PDE10A: variants seen among roughly 807,000 people sequenced by gnomAD.
PDE10A encodes the protein cAMP and cAMP-inhibited cGMP 3',5'-cyclic phosphodiesterase 10A.
Under a neutral mutation model 97.7 loss-of-function variants are expected in PDE10A, and 39 were observed. That is an observed-to-expected ratio of 0.40 (90% CI 0.31 to 0.52). PDE10A has a LOEUF of 0.52. Among genes scored for constraint, PDE10A ranks in the 20% least tolerant of loss-of-function variants. PDE10A has a pLI of 0.56. For synonymous variants in PDE10A, 371 were observed against 376.8 expected (o/e 0.98, Z 0.18); for missense variants, 731 against 1,047.8 (o/e 0.70, Z 4.17).
chr6:165,795,589 C>A (rs1778806310), intron 1 of PDE10A, among the ~76,000 whole-genome samples: 1 of 151,902 alleles, frequency 6.6e-6, no homozygotes. Context: ...AACAAACAAA[C>A]AAACAAACAA....
intron 3 of PDE10A, among the ~76,000 whole-genome samples, chr6:165,459,522 TAGACAGACAGACAGACAGAC>T (rs138521828): frequency 0.046 from 4,928 of 106,138 alleles, 290 homozygotes; most frequent in African/African-American, 0.15. Flanking sequence ...GATAGATAGA[TAGACAGACAGACAGACAGAC>T]AGACAGACAG....
intron 1 of PDE10A, among the ~76,000 whole-genome samples, chr6:165,709,317 C>T (rs556550167): frequency 4.2e-5 from 6 of 144,036 alleles, no homozygotes; most frequent in South Asian, 2.3e-4. Context: ...GCTCTCCCCC[C>T]ACTCCACCGC....
At chr6:165,749,799 G>C (rs1792955329) in intron 1 of PDE10A, among the ~76,000 whole-genome samples, 1 of 152,132 alleles carries the variant, frequency 6.6e-6, no homozygotes, top group Non-Finnish European at 1.5e-5. Flanking sequence ...CAAAATACCA[G>C]CTATTGATTC....
chr6:165,414,173 T>C (rs559148142), intron 12 of PDE10A, among the ~76,000 whole-genome samples: 1 of 152,284 alleles, frequency 6.6e-6, no homozygotes, highest in African/African-American at 2.4e-5. Context: ...CTCTCCTGTT[T>C]ATAAGTAAAG....
At chr6:165,826,650 G>A (rs1182034024) in intron 1 of PDE10A, among the ~76,000 whole-genome samples, 1 of 152,106 alleles carries the variant, frequency 6.6e-6, no homozygotes, top group Non-Finnish European at 1.5e-5. Context: ...GGAGGCCGAG[G>A]TACCCCCGTG....
intron 1 of PDE10A, among the ~76,000 whole-genome samples, chr6:165,632,374 C>G (rs1378476489): frequency 6.6e-6 from 1 of 152,072 alleles, no homozygotes; most frequent in African/African-American, 2.4e-5. Context: ...ACTGTGACAG[C>G]AAACATCAAA....
intron 1 of PDE10A, among the ~76,000 whole-genome samples, chr6:165,687,542 T>C (rs1159746528): frequency 2.0e-5 from 3 of 152,238 alleles, no homozygotes; most frequent in Non-Finnish European, 4.4e-5. Context: ...TGACTTTCAA[T>C]GCTGACTCTC....
chr6:165,572,083 T>A (rs1785074510), intron 1 of PDE10A, among the ~76,000 whole-genome samples: 1 of 152,242 alleles, frequency 6.6e-6, no homozygotes, highest in Non-Finnish European at 1.5e-5. Flanking sequence ...GCACTTCCGC[T>A]TTCTTGAAAG....
chr6:165,890,600 G>A (rs1781765815), intron 1 of PDE10A, among the ~76,000 whole-genome samples: 1 of 152,106 alleles, frequency 6.6e-6, no homozygotes, highest in Non-Finnish European at 1.5e-5. Flanking sequence ...GGTAGAGAAA[G>A]CCCCCATTGT....
chr6:165,426,187 G>C (rs1485912077), intron 10 of PDE10A, among the ~76,000 whole-genome samples: 1 of 152,044 alleles, frequency 6.6e-6, no homozygotes, highest in Admixed American at 6.6e-5. Context: ...TGTAGAAATT[G>C]ACCTGCTACT....
intron 1 of PDE10A, chr6:165,939,617 G>A (rs1783445449): frequency 6.6e-6 from 1 of 152,086 alleles, no homozygotes; most frequent in African/African-American, 2.4e-5. Flanking sequence ...GGTTCTTCTG[G>A]CATTTTTATT....
At chr6:165,564,456 T>G (rs1257566189) in intron 1 of PDE10A, among the ~76,000 whole-genome samples, 4 of 152,212 alleles carry the variant, frequency 2.6e-5, no homozygotes, top group Non-Finnish European at 1.5e-5. Flanking sequence ...CAGAGATTAC[T>G]AAGAAATGGT....
intron 1 of PDE10A, among the ~76,000 whole-genome samples, chr6:165,652,264 T>C (rs1041921000): frequency 6.6e-6 from 1 of 152,106 alleles, no homozygotes; most frequent in Non-Finnish European, 1.5e-5. Context: ...TTGTTGTTCA[T>C]TTTGTCTTTT....
intron 1 of PDE10A, among the ~76,000 whole-genome samples, chr6:165,943,892 A>G (rs529031301): frequency 6.6e-6 from 1 of 152,342 alleles, no homozygotes; most frequent in South Asian, 2.1e-4. Context: ...CATGAGCTAC[A>G]GCCCTTCCTG....
chr6:165,380,377 A>G lies in PDE10A; in HGVS notation c.2611-1011T>C, dbSNP rs146356604. Reference sequence around the variant, plus strand: ...TCTTTAAAAAATTAGACATCTCACTAAGACACTGTCTCTTCATATTCTTAA... The same window carrying G: ...TCTTTAAAAAATTAGACATCTCACTGAGACACTGTCTCTTCATATTCTTAA... On this transcript the variant is annotated intron_variant, in intron 17 of 21. Coordinates refer to ENST00000539869, the MANE Select transcript of PDE10A (RefSeq NM_001385079.1). Among the ~76,000 whole-genome samples, 6 of 152,312 alleles carry G rather than the reference A, an allele frequency of 3.9e-5. No homozygotes were observed. The East Asian group carries it at 1.2e-3, about 29-fold the overall frequency.
chr6:165,697,009 G>GA (rs1378923723), intron 1 of PDE10A, among the ~76,000 whole-genome samples: 1 of 151,910 alleles, frequency 6.6e-6, no homozygotes, highest in Non-Finnish European at 1.5e-5. Flanking sequence ...GAGAAGAATA[G>GA]AAAAAAGAAA....
chr6:165,762,422 G>A (rs1225720742), intron 1 of PDE10A, among the ~76,000 whole-genome samples: 1 of 151,524 alleles, frequency 6.6e-6, no homozygotes, highest in Non-Finnish European at 1.5e-5. Flanking sequence ...GTCTTTCTAA[G>A]TAGCACTTTT....
intron 1 of PDE10A, among the ~76,000 whole-genome samples, chr6:165,670,730 T>C (rs1418339553): frequency 6.6e-6 from 1 of 152,208 alleles, no homozygotes; most frequent in African/African-American, 2.4e-5. Context: ...CTGGGGAAAC[T>C]GGTCTAGTTA....
chr6:165,365,240 G>A (rs541065457), intron 18 of PDE10A, among the ~76,000 whole-genome samples: 10 of 152,246 alleles, frequency 6.6e-5, no homozygotes, highest in African/African-American at 2.4e-4. Flanking sequence ...AATTTTAAGT[G>A]AAAATAATCT....
Sources: allele counts gnomAD v4.1 joint callset (sites outside exome capture counted in the v4.1 genomes callset), GRCh38; gene constraint gnomAD v4.1.1; transcripts MANE v1.5; gene names NCBI Gene and HGNC (gene_info 2026-07-23, HGNC 2026-07-21).